The following MYCBP2 variants were observed in gnomAD, a reference collection of about 807,000 sequenced individuals.
The protein encoded by MYCBP2 is MYC binding protein 2.
In MYCBP2, 120 loss-of-function variants were observed where a neutral mutation model predicts 525.3. The observed-to-expected ratio is 0.23, with a 90% CI of 0.20 to 0.27. The LOEUF (loss-of-function observed/expected upper bound fraction) is 0.27, where lower values mean the gene tolerates loss of function less well. Ranked by LOEUF, MYCBP2 falls within the 10% of genes least tolerant of loss-of-function variation. MYCBP2 has a pLI of 1.00. For synonymous variants in MYCBP2, 1,894 were observed against 1,955.8 expected, an observed-to-expected ratio of 0.97 and a Z score of 0.83; for missense variants, 4,149 against 5,657.1, an observed-to-expected ratio of 0.73 and a Z score of 8.55.
In MYCBP2 at chr13:77,057,038, C is replaced by T. The variant is rs761204693; in HGVS notation, c.13385G>A (p.Arg4462Gln). ...AAATGTTATCCTTGGGCCAAGCCATCGATTTTCTAATACTCGCCGACAGCA... is the reference window on the plus strand; with the variant it reads ...AAATGTTATCCTTGGGCCAAGCCATTGATTTTCTAATACTCGCCGACAGCA... Reference protein sequence around the residue: ...LQCCRRVLENRWLGPRITFGF... With the variant: ...LQCCRRVLENQWLGPRITFGF... Residue 4462 changes from arginine (R) to glutamine (Q), a missense_variant, in exon 79 of 83, where the codon CGA (arginine) becomes CAA (glutamine). By Grantham distance (43) the Arg-to-Gln change is conservative. Around this residue, in one of 21 missense-constraint regions of MYCBP2, gnomAD observed 220 missense variants for 396.0 expected, o/e 0.56. Coordinates refer to ENST00000544440, the MANE Select transcript of MYCBP2 (RefSeq NM_015057.5). The T allele has an allele frequency of 3.7e-6, 6 of 1,613,786 alleles. No individual in the cohort carries two copies. Among genetic ancestry groups the T allele is most frequent in the Non-Finnish European group, 3.4e-6 (4 of 1,179,912 alleles).
intron 1 of MYCBP2, among the ~76,000 whole-genome samples, chr13:77,316,730 T>C (rs575249515): frequency 6.6e-6 from 1 of 152,304 alleles, no homozygotes; most frequent in South Asian, 2.1e-4. Flanking sequence ...TCCTTTAATC[T>C]ATGGCTAGTA....
At position 77,146,131 on chromosome 13, in the gene MYCBP2, T is replaced by C. The variant is rs779020758; in HGVS notation, c.7187+31A>G. On this transcript the variant is annotated intron_variant, in intron 48 of 82. Coordinates refer to ENST00000544440, the MANE Select transcript of MYCBP2 (RefSeq NM_015057.5). ...GTTGCAAGCAGCTGACAACACATGT[T>C]TTGGTTATACTTTGAGAAAACGATC... 3 of 1,471,404 alleles carry C rather than the reference T, an allele frequency of 2.0e-6. No individual in the cohort carries two copies. The South Asian group carries it at 4.1e-5, about 20-fold the overall frequency. 91.1% of individuals were successfully genotyped at this position (1,471,404 alleles called of 1,614,324 possible).
Position 77,181,892 on chromosome 13 carries a change from T to C in MYCBP2, c.4750A>G (p.Ser1584Gly). The part of the protein sequence containing the change: ...DIQEANFKTS[S>G]SRLLAAVMSA... ...ATAACAGCTGCAAGGAGTCGGCTAC[T>C]TGATGTCTTGAAGTTTGCTTCTTGG... The change falls in exon 33 of 83, where the codon AGT becomes GGT. Residue 1584 changes from serine (S) to glycine (G), a missense_variant. Physicochemically the swap from Ser to Gly is moderately conservative, Grantham distance 56 (BLOSUM62 0). Transcript: ENST00000544440. 1.9e-6 allele frequency: 3 copies of C among 1,613,902 alleles called. No homozygotes were observed. Among genetic ancestry groups the C allele is most frequent in the Non-Finnish European group, 2.5e-6 (3 of 1,180,014 alleles).
chr13:77,228,294 C>T (rs1193944065), intron 18 of MYCBP2, among the ~76,000 whole-genome samples: 2 of 151,796 alleles, frequency 1.3e-5, no homozygotes, highest in African/African-American at 4.8e-5. Context: ...TTACTTGAGC[C>T]TAGGAGCTCA....
chr13:77,082,591 T>C (rs1294558784), intron 63 of MYCBP2, among the ~76,000 whole-genome samples: 1 of 152,176 alleles, frequency 6.6e-6, no homozygotes, highest in Non-Finnish European at 1.5e-5. Flanking sequence ...AAATTGAAAT[T>C]GGAATCTGTT....
intron 55 of MYCBP2, chr13:77,121,162 C>T (rs192926561): frequency 6.3e-4 from 221 of 352,590 alleles, no homozygotes; most frequent in African/African-American, 4.4e-3. Context: ...CTCTCATAAA[C>T]TTAAGCCAAA....
At chr13:77,131,027 C>T (rs1204749702) in intron 52 of MYCBP2, among the ~76,000 whole-genome samples, 2 of 152,036 alleles carry the variant, frequency 1.3e-5, no homozygotes, top group Non-Finnish European at 2.9e-5. Context: ...TAATAAATTG[C>T]CAATAAAATC....
At chr13:77,179,250 T>A (rs1397741363) in intron 34 of MYCBP2, among the ~76,000 whole-genome samples, 1 of 152,124 alleles carries the variant, frequency 6.6e-6, no homozygotes, top group Admixed American at 6.5e-5. Context: ...AGAAAAGAAG[T>A]TCCTTGACAA....
intron 5 of MYCBP2, among the ~76,000 whole-genome samples, chr13:77,270,757 A>G (rs1395103142): frequency 1.3e-5 from 2 of 152,090 alleles, no homozygotes; most frequent in Non-Finnish European, 2.9e-5. Context: ...TCATTCACCA[A>G]TTCTGTAAAA....
chr13:77,158,147 A>G (rs1294150075), intron 44 of MYCBP2, 38 bp from the exon 45 acceptor site: 1 of 1,355,138 alleles, frequency 7.4e-7, no homozygotes, highest in African/African-American at 1.5e-5. Context: ...ATTCTTAAAA[A>G]TAAAACTTTA....
At chr13:77,094,345 T>C (rs540404718) in intron 58 of MYCBP2, among the ~76,000 whole-genome samples, 5 of 152,318 alleles carry the variant, frequency 3.3e-5, no homozygotes, top group African/African-American at 9.6e-5. Context: ...GTCCAATATA[T>C]GAAAACAGAA....
Position 77,251,323 on chromosome 13 carries a change from C to A in MYCBP2, c.2209G>T (p.Asp737Tyr). Residue 737 changes from aspartate (D) to tyrosine (Y), a missense_variant, in exon 15 of 83, where the codon GAT becomes TAT. Asp to Tyr is a radical substitution (Grantham distance 160). Around this residue, in one of 21 missense-constraint regions of MYCBP2, gnomAD observed 620 missense variants for 795.5 expected, o/e 0.78. Coordinates refer to ENST00000544440, the MANE Select transcript of MYCBP2 (RefSeq NM_015057.5). ...FGVENMATAMDEDLEEELDEK... is the reference protein window; with the variant it reads ...FGVENMATAMYEDLEEELDEK... ...TCTAGTTCTTCTTCCAGGTCTTCAT[C>A]CATTGCTGTTGCCATATTTTCAACT... 3.7e-6 allele frequency: 6 copies of A among 1,614,174 alleles called. No homozygotes were observed. Among genetic ancestry groups the A allele is most frequent in the Non-Finnish European group, 4.2e-6 (5 of 1,180,038 alleles).
At chr13:77,079,541 G>A (rs1379170377) in intron 65 of MYCBP2, among the ~76,000 whole-genome samples, 1 of 152,182 alleles carries the variant, frequency 6.6e-6, no homozygotes, top group Non-Finnish European at 1.5e-5. Context: ...GCTGTAGGCT[G>A]ATACAACTCA....
intron 27 of MYCBP2, among the ~76,000 whole-genome samples, chr13:77,192,512 A>G (rs2061383076): frequency 6.6e-6 from 1 of 152,216 alleles, no homozygotes; most frequent in South Asian, 2.1e-4. Context: ...AGGAATGTTT[A>G]TTGGTTGTAG....
At chr13:77,264,355 C>T (rs574776843) in intron 8 of MYCBP2, among the ~76,000 whole-genome samples, 7 of 152,026 alleles carry the variant, frequency 4.6e-5, no homozygotes, top group Non-Finnish European at 8.8e-5. Context: ...GGAGGCAACA[C>T]TCTACTCTCA....
rs555504048 is a variant in MYCBP2, at chr13:77,205,239, T to C, written c.3843+17A>G. The C allele has an allele frequency of 6.5e-6, 10 of 1,537,394 alleles. No homozygotes were observed. In the East Asian group the frequency reaches 9.2e-5, roughly 14 times the overall value. On this transcript the variant is annotated intron_variant, in intron 26 of 82. Transcript: ENST00000544440. Reference sequence around the variant, plus strand: ...TATGTTCAAACAAAAAAGGACAACATTGTTGATGAACTTTACCTTAATTTT... The same window carrying C: ...TATGTTCAAACAAAAAAGGACAACACTGTTGATGAACTTTACCTTAATTTT...
At chr13:77,132,477 A>G (rs1275651298) in intron 52 of MYCBP2, among the ~76,000 whole-genome samples, 2 of 152,162 alleles carry the variant, frequency 1.3e-5, no homozygotes, top group African/African-American at 4.8e-5. Context: ...TTGGAAAATC[A>G]GTATACTTTC....
At chr13:77,293,686 G>A (rs953723570) in intron 2 of MYCBP2, among the ~76,000 whole-genome samples, 1 of 152,118 alleles carries the variant, frequency 6.6e-6, no homozygotes, top group Non-Finnish European at 1.5e-5. Flanking sequence ...GTAAGAGGAG[G>A]AGATAAAACA....
intron 3 of MYCBP2, among the ~76,000 whole-genome samples, chr13:77,283,775 T>C (rs1199048551): frequency 6.6e-6 from 1 of 152,132 alleles, no homozygotes; most frequent in Non-Finnish European, 1.5e-5. Context: ...CAAACACCTG[T>C]AGTCCCAGCT....
Sources: gnomAD v4.1 joint callset for allele counts (sites outside exome capture counted in the v4.1 genomes callset) on GRCh38, gnomAD v4.1.1 for gene constraint, gnomAD v4.1.1 regional missense constraint, MANE v1.5 for transcripts, NCBI Gene and HGNC (gene_info 2026-07-23, HGNC 2026-07-21) for gene names.